The following LAMA3 variants were observed in gnomAD, a reference collection of about 807,000 sequenced individuals.
The protein encoded by LAMA3 is laminin subunit alpha 3.
A neutral mutation model predicts 402.0 loss-of-function variants in LAMA3; 281 were observed. The observed-to-expected ratio is 0.70, with a 90% CI of 0.63 to 0.77. The LOEUF (loss-of-function observed/expected upper bound fraction) is 0.77. Ranked by LOEUF, LAMA3 falls within the 30% of genes least tolerant of loss-of-function variation. LAMA3 has a pLI of 0.00. For missense variants in LAMA3, 3,840 were observed against 4,215.5 expected (o/e 0.91, Z 2.47); for synonymous variants, 1,431 against 1,558.4 (o/e 0.92, Z 1.93).
At chr18:23,946,730 T>C (rs866363936) in intron 70 of LAMA3, 103 of 175,942 alleles carry the variant, frequency 5.9e-4, no homozygotes, top group African/African-American at 2.1e-3. Context: ...TGTGCTTCTA[T>C]GGGATCTTTT....
At chr18:23,937,977 CAAT>C (rs529349891) in intron 67 of LAMA3, among the ~76,000 whole-genome samples, 75 of 152,240 alleles carry the variant, frequency 4.9e-4, no homozygotes, top group African/African-American at 1.7e-3. Context: ...ATGACTTAAA[CAAT>C]AATAATAATC....
At chr18:23,941,331 C>CT (rs1045969007) in intron 68 of LAMA3, among the ~76,000 whole-genome samples, 3 of 142,694 alleles carry the variant, frequency 2.1e-5, no homozygotes, top group East Asian at 2.2e-4. Context: ...TTGGCGCCCC[C>CT]CCCCCGCCCG....
chr18:23,943,226 T>C (rs1379736794), intron 68 of LAMA3, among the ~76,000 whole-genome samples: 2 of 152,200 alleles, frequency 1.3e-5, no homozygotes, highest in Non-Finnish European at 2.9e-5. Context: ...TTACATGAGG[T>C]ATCTCAAGTA....
intron 2 of LAMA3, among the ~76,000 whole-genome samples, chr18:23,741,710 A>T (rs1041906213): frequency 2.6e-5 from 4 of 152,232 alleles, no homozygotes; most frequent in Non-Finnish European, 4.4e-5. Context: ...AATGTAAAAA[A>T]GGTAACTTAC....
At chr18:23,822,688 C>G (rs772143394) in intron 20 of LAMA3, among the ~76,000 whole-genome samples, 1 of 152,216 alleles carries the variant, frequency 6.6e-6, no homozygotes, top group African/African-American at 2.4e-5. Context: ...TTCACAGTGA[C>G]GAGGGTGTCA....
rs890169924 is a variant in LAMA3 at position 23,784,227 on chromosome 18, A to G, written c.1603+70A>G. 58 of 1,579,910 alleles carry G rather than the reference A, an allele frequency of 3.7e-5. 1 individual carries two copies. The highest frequency in any genetic ancestry group is 1.0e-4 in the Admixed American group (6 of 59,950). ...TAAATTTCCTCCTGAGGAAATGCAG[A>G]TCTTTCTGGCAGAGCTGTCTGGCTT... On this transcript the variant is annotated intron_variant, in intron 12 of 74. Coordinates refer to ENST00000313654, the MANE Select transcript of LAMA3 (RefSeq NM_198129.4).
intron 41 of LAMA3, among the ~76,000 whole-genome samples, chr18:23,887,669 C>T (rs982954175): frequency 6.6e-6 from 1 of 152,172 alleles, no homozygotes; most frequent in Non-Finnish European, 1.5e-5. Context: ...AACACAAGGA[C>T]AGTCAAGGGT....
At chr18:23,827,041 C>T (rs1445061942) in intron 22 of LAMA3, among the ~76,000 whole-genome samples, 1 of 152,190 alleles carries the variant, frequency 6.6e-6, no homozygotes, top group Non-Finnish European at 1.5e-5. Context: ...TTGATGCATG[C>T]CCAAGTCAAT....
At chr18:23,718,775 C>T (rs779791568) in intron 2 of LAMA3, among the ~76,000 whole-genome samples, 8 of 152,214 alleles carry the variant, frequency 5.3e-5, no homozygotes, top group Admixed American at 1.3e-4. Context: ...ACACCTGTTC[C>T]CTTGTCCCAT....
chr18:23,762,735 G>A (rs115025464), intron 7 of LAMA3, among the ~76,000 whole-genome samples: 201 of 151,724 alleles, frequency 1.3e-3, no homozygotes, highest in African/African-American at 4.7e-3. Context: ...GCGGTGGCAG[G>A]GAGAATGGAG....
chr18:23,813,025 A>G (rs777927819), intron 13 of LAMA3, 32 bp from the exon 14 acceptor site: 1 of 1,492,080 alleles, frequency 6.7e-7, no homozygotes, highest in Non-Finnish European at 9.4e-7. Flanking sequence ...ACAAACTACC[A>G]GATAATTTAA....
At chr18:23,840,647 G>T (rs546393773) in intron 27 of LAMA3, among the ~76,000 whole-genome samples, 4 of 152,010 alleles carry the variant, frequency 2.6e-5, no homozygotes, top group Admixed American at 1.3e-4. Context: ...GCACCTTGCA[G>T]GTAGGAAATT....
At chr18:23,842,899 C>G in intron 29 of LAMA3, 149 bp downstream of exon 29, 1 of 980,452 alleles carries the variant, frequency 1.0e-6, no homozygotes, top group Non-Finnish European at 1.6e-6. Context: ...GTCTTTTACC[C>G]CCCAATAAAT....
chr18:23,947,607 A>G (rs1424965886), intron 70 of LAMA3, among the ~76,000 whole-genome samples: 1 of 152,162 alleles, frequency 6.6e-6, no homozygotes, highest in East Asian at 1.9e-4. Context: ...GTTATACAAT[A>G]AAGTATATTT....
chr18:23,860,504 C>G (rs1482501878), intron 34 of LAMA3, among the ~76,000 whole-genome samples: 1 of 151,894 alleles, frequency 6.6e-6, no homozygotes, highest in Non-Finnish European at 1.5e-5. Context: ...AGCAGTCCTC[C>G]CACCTTGGCC....
At chr18:23,845,274 C>T in intron 30 of LAMA3, 150 bp downstream of exon 30, 1 of 675,792 alleles carries the variant, frequency 1.5e-6, no homozygotes, top group Non-Finnish European at 2.7e-6. Flanking sequence ...GGAAGATGCT[C>T]TTTCTCCACA....
intron 42 of LAMA3, 75 bp from the exon 43 acceptor site, chr18:23,894,223 C>T: frequency 8.0e-7 from 1 of 1,256,518 alleles, no homozygotes; most frequent in Non-Finnish European, 1.2e-6. Context: ...ACTAGCTTTT[C>T]TGAAAACCAA....
intron 7 of LAMA3, among the ~76,000 whole-genome samples, chr18:23,760,155 A>C (rs1007067827): frequency 2.0e-5 from 3 of 152,206 alleles, no homozygotes; most frequent in African/African-American, 7.2e-5. Flanking sequence ...ATACAAAAAA[A>C]ATTTAAATCT....
intron 10 of LAMA3, among the ~76,000 whole-genome samples, chr18:23,777,193 A>G (rs764223571): frequency 1.3e-5 from 2 of 151,990 alleles, no homozygotes; most frequent in South Asian, 4.2e-4. Context: ...TATGGCATAA[A>G]CAAAATGTCA....
Sources: allele counts gnomAD v4.1 joint callset (sites outside exome capture counted in the v4.1 genomes callset), GRCh38; gene constraint gnomAD v4.1.1; transcripts MANE v1.5; gene names NCBI Gene and HGNC (gene_info 2026-07-23, HGNC 2026-07-21).